Variants in NALCN observed in about 807,000 individuals in gnomAD.
NALCN encodes sodium leak channel, non-selective, also known as sodium leak channel NALCN.
NALCN carries 111 observed loss-of-function variants against 225.3 expected under a neutral mutation model. The ratio of observed to expected loss-of-function variants is 0.49; its 90% CI spans 0.42 to 0.58. The LOEUF (loss-of-function observed/expected upper bound fraction) is 0.58. Ranked by LOEUF, NALCN falls within the 20% of genes least tolerant of loss-of-function variation. NALCN has a pLI of 0.00. For missense variants in NALCN, 1,378 were observed against 2,202.4 expected (o/e 0.63, Z 7.49); for synonymous variants, 764 against 769.0 (o/e 0.99, Z 0.11).
In NALCN at chr13:101,243,707, G is replaced by T. The variant is rs1216702468; in HGVS notation, c.1267-5785C>A. 2.9e-5 allele frequency among the ~76,000 whole-genome samples: 3 copies of T among 104,700 alleles called. 1 individual carries two copies. In the East Asian group the frequency reaches 7.3e-4, roughly 25 times the overall value. The allele number at this position is 104,700 out of a possible 152,430, so 68.7% of individuals were successfully genotyped here. ...GGCTTTTTGGTGACAGGATTTCCCA[G>T]AAATGAGTGGAGTCATTTATTGACC... On this transcript the variant is annotated intron_variant, in intron 11 of 43. Transcript: ENST00000251127.
intron 6 of NALCN, among the ~76,000 whole-genome samples, chr13:101,350,100 C>T (rs893537651): frequency 6.6e-6 from 1 of 152,144 alleles, no homozygotes; most frequent in African/African-American, 2.4e-5. Flanking sequence ...TCCTCACTGG[C>T]CACCCTGCCT....
chr13:101,305,249 C>T (rs1433365346), intron 7 of NALCN, among the ~76,000 whole-genome samples: 1 of 152,154 alleles, frequency 6.6e-6, no homozygotes, highest in Non-Finnish European at 1.5e-5. Context: ...AACTCTCTTA[C>T]TTGGTTAATC....
At position 101,055,387 on chromosome 13, in the gene NALCN, C is replaced by T. The variant is rs755292491; in HGVS notation, c.5125G>A (p.Ala1709Thr). The T allele has an allele frequency of 7.4e-6, 12 of 1,614,010 alleles. No homozygotes were observed. The highest frequency in any genetic ancestry group is 1.1e-5 in the South Asian group (1 of 91,078). Residue 1709 changes from alanine (A) to threonine (T), a missense_variant, in exon 44 of 44, where the codon GCG becomes ACG. Physicochemically the swap from Ala to Thr is moderately conservative, Grantham distance 58. Transcript: ENST00000251127. ...VVCKMNPMTD[A>T]ASCGSEVKKW... Reference sequence around the variant, plus strand: ...TTAACTTCAGAACCGCAGGAAGCCGCGTCAGTCATGGGGTTCATTTTGCAC... The same window carrying T: ...TTAACTTCAGAACCGCAGGAAGCCGTGTCAGTCATGGGGTTCATTTTGCAC...
intron 3 of NALCN, among the ~76,000 whole-genome samples, chr13:101,383,565 T>C (rs2046907593): frequency 6.6e-6 from 1 of 152,210 alleles, no homozygotes; most frequent in Admixed American, 6.5e-5. Context: ...ATGAGATAGG[T>C]ACATGAACCA....
chr13:101,075,804 C>G (rs2033214204), intron 35 of NALCN, 69 bp downstream of exon 35: 3 of 1,339,018 alleles, frequency 2.2e-6, no homozygotes, highest in Non-Finnish European at 3.1e-6. Context: ...AGGCTGTAAT[C>G]AATTAATCAC....
chr13:101,192,689 G>T (rs1056250502), intron 13 of NALCN, among the ~76,000 whole-genome samples: 1 of 124,256 alleles, frequency 8.0e-6, no homozygotes, highest in South Asian at 2.4e-4. Flanking sequence ...AAACAAAAAA[G>T]AAATAAAAAA....
At chr13:101,189,378 T>C (rs1174423633) in intron 14 of NALCN, among the ~76,000 whole-genome samples, 1 of 152,188 alleles carries the variant, frequency 6.6e-6, no homozygotes, top group African/African-American at 2.4e-5. Context: ...AAATTTAACA[T>C]TTATTAATAT....
chr13:101,232,538 C>G (rs564258937), intron 12 of NALCN, among the ~76,000 whole-genome samples: 1 of 151,648 alleles, frequency 6.6e-6, no homozygotes, highest in South Asian at 2.1e-4. Context: ...CTCCACCTCC[C>G]GGGTTCACAC....
At chr13:101,144,469 T>A (rs1250734423) in intron 16 of NALCN, among the ~76,000 whole-genome samples, 2 of 152,234 alleles carry the variant, frequency 1.3e-5, no homozygotes, top group Non-Finnish European at 2.9e-5. Context: ...TCCAGTTTCC[T>A]GGGATGTCCC....
intron 6 of NALCN, among the ~76,000 whole-genome samples, chr13:101,376,475 C>A (rs1387257381): frequency 6.6e-6 from 1 of 151,818 alleles, no homozygotes; most frequent in East Asian, 1.9e-4. Context: ...CGAGATCGCG[C>A]CACTGCACCC....
rs59471123 is a variant in NALCN at position 101,276,062 on chromosome 13, C to CAAA, written c.1134+7868_1134+7870dup. 3.5e-3 allele frequency among the ~76,000 whole-genome samples: 292 copies of CAAA among 84,244 alleles called. 15 individuals carry two copies. Among genetic ancestry groups the CAAA allele is most frequent in the African/African-American group, 7.8e-3 (176 of 22,564 alleles). The allele number at this position is 84,244 out of a possible 152,430, so 55.3% of individuals were successfully genotyped here. A position where few individuals can be genotyped will look rare whatever the true frequency, so the allele number is the denominator to read the frequency against. ...CTGATGACAGAGCGAGACTCCTTCT[C>CAAA]AAAAAAAAAAAAAAAAAAAAAAAAA... is the stretch of plus-strand genomic sequence containing the variant. On this transcript the variant is annotated intron_variant, in intron 10 of 43. Coordinates refer to ENST00000251127, the MANE Select transcript of NALCN (RefSeq NM_052867.4).
intron 7 of NALCN, among the ~76,000 whole-genome samples, chr13:101,300,363 T>TTTCCTTCCTTCC (rs796687147): frequency 5.0e-5 from 1 of 19,868 alleles, no homozygotes; most frequent in Non-Finnish European, 1.4e-4. Flanking sequence ...TCTTTCTTTC[T>TTTCCTTCCTTCC]TTCTTTCCTT....
chr13:101,133,620 T>C (rs1036081997), intron 17 of NALCN, among the ~76,000 whole-genome samples: 7 of 152,182 alleles, frequency 4.6e-5, no homozygotes, highest in Non-Finnish European at 5.9e-5. Context: ...ACCCGTGAAT[T>C]CATAATTAAT....
At chr13:101,346,381 G>C (rs960225333) in intron 6 of NALCN, among the ~76,000 whole-genome samples, 1 of 151,938 alleles carries the variant, frequency 6.6e-6, no homozygotes, top group African/African-American at 2.4e-5. Context: ...CAAAATTCTT[G>C]TCTCACTGTG....
At chr13:101,210,623 C>G (rs1054785833) in intron 13 of NALCN, among the ~76,000 whole-genome samples, 1 of 152,110 alleles carries the variant, frequency 6.6e-6, no homozygotes, top group African/African-American at 2.4e-5. Flanking sequence ...TTTAAACTTT[C>G]TATACAACAC....
chr13:101,395,404 C>T (rs755448974), intron 2 of NALCN, 39 bp from the exon 3 acceptor site: 5 of 1,583,896 alleles, frequency 3.2e-6, no homozygotes, highest in Admixed American at 3.5e-5. Context: ...GGCACCATAA[C>T]TGATATCTCA....
chr13:101,351,671 G>T (rs1411383937), intron 6 of NALCN, among the ~76,000 whole-genome samples: 3 of 152,102 alleles, frequency 2.0e-5, no homozygotes, highest in Non-Finnish European at 4.4e-5. Flanking sequence ...TTCCTCATCT[G>T]AAAAATGAGA....
intron 12 of NALCN, among the ~76,000 whole-genome samples, chr13:101,232,159 C>T (rs1400919142): frequency 1.3e-5 from 2 of 151,804 alleles, no homozygotes; most frequent in East Asian, 3.9e-4. Context: ...TACACTGAGC[C>T]CCTGACACCA....
chr13:101,159,966 T>TTA (rs542096132), intron 15 of NALCN, among the ~76,000 whole-genome samples: 1,983 of 152,198 alleles, frequency 0.013, 26 homozygotes, highest in South Asian at 0.062. Flanking sequence ...TTATTTTATT[T>TTA]TATTTTGAGA....
Sources: allele counts gnomAD v4.1 joint callset (sites outside exome capture counted in the v4.1 genomes callset), GRCh38; gene constraint gnomAD v4.1.1; transcripts MANE v1.5; gene names NCBI Gene and HGNC (gene_info 2026-07-23, HGNC 2026-07-21).